The following GLYATL3 variants were observed in gnomAD, a reference collection of about 807,000 sequenced individuals.
The protein encoded by GLYATL3 is glycine-N-acyltransferase like 3, also known as glycine N-acyltransferase-like protein 3.
Under a neutral mutation model 28.5 loss-of-function variants are expected in GLYATL3, and 31 were observed. The observed-to-expected ratio is 1.09, with a 90% confidence interval of 0.82 to 1.47. The LOEUF is 1.47. GLYATL3 is among the 40% of genes most tolerant of loss of function. The pLI is 0.00. For missense variants in GLYATL3, 369 were observed against 351.5 expected (o/e 1.05, Z -0.40); for synonymous variants, 141 against 140.2 (o/e 1.01, Z -0.04).
intron 1 of GLYATL3, among the ~76,000 whole-genome samples, chr6:49,503,141 A>T (rs1162262537): frequency 6.7e-6 from 1 of 150,314 alleles, no homozygotes; most frequent in Non-Finnish European, 1.5e-5. Context: ...AATAGGTTGT[A>T]TGAGAGGTGG....
chr6:49,516,860 G>A (rs560781418), intron 3 of GLYATL3, among the ~76,000 whole-genome samples: 16 of 151,648 alleles, frequency 1.1e-4, no homozygotes, highest in Non-Finnish European at 2.4e-4. Context: ...CCAGAAGAAA[G>A]AATCAAGAAA....
rs13199703 is a variant in GLYATL3 at position 49,527,643 on chromosome 6, G to C, written c.*729G>C. Among the ~76,000 whole-genome samples the C allele has an allele frequency of 0.16, 24,147 of 152,064 alleles. 2,400 individuals carry two copies. Among genetic ancestry groups the C allele is most frequent in the Middle Eastern group, 0.33 (97 of 294 alleles). The stretch of plus-strand genomic sequence containing the variant: ...TTGCCTTGGATGAATGACAATATGG[G>C]CATTTTGATGCTATAAACAAATGCT... On this transcript the variant is annotated 3_prime_UTR_variant, in exon 6 of 6. Coordinates refer to ENST00000371197, the MANE Select transcript of GLYATL3 (RefSeq NM_001010904.2).
chr6:49,527,747 A>G lies in GLYATL3; in HGVS notation c.*833A>G, dbSNP rs538547949. 2.0e-5 allele frequency among the ~76,000 whole-genome samples: 3 copies of G among 152,318 alleles called. No individual in the cohort carries two copies. The highest frequency in any genetic ancestry group is 2.0e-4 in the Admixed American group (3 of 15,298). ...GTCTACTTTCCCATATAAAACTAAG[A>G]TTTATATATAGGGGTGTTTGGGGGT... is the stretch of plus-strand genomic sequence containing the variant. On this transcript the variant is annotated 3_prime_UTR_variant, in exon 6 of 6. Coordinates refer to ENST00000371197, the MANE Select transcript of GLYATL3 (RefSeq NM_001010904.2).
chr6:49,514,104 C>T (rs1346752187), intron 2 of GLYATL3, among the ~76,000 whole-genome samples: 1 of 152,084 alleles, frequency 6.6e-6, no homozygotes. Flanking sequence ...AAGCAAATGC[C>T]TACATAACAT....
chr6:49,519,001 A>G (rs1769268038), intron 4 of GLYATL3, among the ~76,000 whole-genome samples: 1 of 152,188 alleles, frequency 6.6e-6, no homozygotes, highest in South Asian at 2.1e-4. Flanking sequence ...AGAAGCTCTA[A>G]ACTATCTCTC....
At chr6:49,517,676 T>C in intron 4 of GLYATL3, 120 bp downstream of exon 4, 1 of 633,478 alleles carries the variant, frequency 1.6e-6, no homozygotes. Flanking sequence ...CACACCTGTA[T>C]GTATAAATAC....
intron 5 of GLYATL3, 90 bp from the exon 6 acceptor site, chr6:49,526,398 G>A: frequency 2.7e-6 from 3 of 1,125,668 alleles, no homozygotes; most frequent in Non-Finnish European, 3.8e-6. Context: ...GGGCGACAGA[G>A]CAAGACTGTG....
chr6:49,511,343 T>TGTCA (rs1561977303), intron 1 of GLYATL3, among the ~76,000 whole-genome samples: 1 of 152,104 alleles, frequency 6.6e-6, no homozygotes, highest in Non-Finnish European at 1.5e-5. Flanking sequence ...CTAAAATGAG[T>TGTCA]GTCAGCCTTT....
intron 4 of GLYATL3, among the ~76,000 whole-genome samples, chr6:49,519,287 T>C (rs1191988437): frequency 3.3e-5 from 5 of 149,582 alleles, no homozygotes; most frequent in East Asian, 2.0e-4. Context: ...TTGTAAGTTA[T>C]AGTCATCTAA....
At chr6:49,500,272 G>A (rs1434734370) in intron 1 of GLYATL3, among the ~76,000 whole-genome samples, 1 of 152,032 alleles carries the variant, frequency 6.6e-6, no homozygotes, top group Admixed American at 6.6e-5. Context: ...AAATTTTGAT[G>A]TGAGGAAAAT....
chr6:49,511,952 T>C lies in GLYATL3; in HGVS notation c.-28-11T>C. 1 of 1,000,906 alleles carries C rather than the reference T, an allele frequency of 1.0e-6. No homozygotes were observed. The highest frequency in any genetic ancestry group is 1.5e-6 in the Non-Finnish European group (1 of 675,940). 62.0% of individuals were successfully genotyped at this position (1,000,906 alleles called of 1,614,324 possible). A position where few individuals can be genotyped will look rare whatever the true frequency, so the allele number is the denominator to read the frequency against. ...CAAAAATTAAATGCCTACCTTCAAG[T>C]TTCTAATTAGGTGTGGAGTTGCAAG... On this transcript the variant is annotated splice_polypyrimidine_tract_variant and intron_variant, in intron 1 of 5. Coordinates refer to ENST00000371197, the MANE Select transcript of GLYATL3 (RefSeq NM_001010904.2).
At chr6:49,515,413 TA>T (rs1769197551) in intron 2 of GLYATL3, among the ~76,000 whole-genome samples, 1 of 152,114 alleles carries the variant, frequency 6.6e-6, no homozygotes, top group African/African-American at 2.4e-5. Context: ...TATAAAAAAC[TA>T]GGTTTGGAAA....
intron 1 of GLYATL3, among the ~76,000 whole-genome samples, chr6:49,502,467 A>G (rs1479412698): frequency 1.3e-5 from 2 of 152,240 alleles, no homozygotes; most frequent in Non-Finnish European, 2.9e-5. Context: ...CTGATTCCCA[A>G]TTGTGAACAG....
intron 3 of GLYATL3, among the ~76,000 whole-genome samples, chr6:49,516,513 C>T (rs1033935285): frequency 2.0e-5 from 3 of 151,952 alleles, no homozygotes; most frequent in Non-Finnish European, 4.4e-5. Context: ...AAAGAGGTAC[C>T]GTCCTGACCA....
At chr6:49,510,766 C>A (rs1405177542) in intron 1 of GLYATL3, among the ~76,000 whole-genome samples, 1 of 152,130 alleles carries the variant, frequency 6.6e-6, no homozygotes, top group Non-Finnish European at 1.5e-5. Context: ...TCTTAATGTT[C>A]GGGTGCTGCC....
rs980387472 is a variant in GLYATL3, at chr6:49,527,505, T to G, written c.*591T>G. Among the ~76,000 whole-genome samples, 46 of 152,182 alleles carry G rather than the reference T, an allele frequency of 3.0e-4. No individual in the cohort carries two copies. Among genetic ancestry groups the G allele is most frequent in the Non-Finnish European group, 6.3e-4 (43 of 68,046 alleles). ...TGTTCAAATATAGTGGTTCTTACAT[T>G]TTAGTGTTTATCAGAATCACCCAGA... On this transcript the variant is annotated 3_prime_UTR_variant, in exon 6 of 6. Coordinates refer to ENST00000371197, the MANE Select transcript of GLYATL3 (RefSeq NM_001010904.2).
rs1407481802 is a variant in GLYATL3, at chr6:49,511,812, C to T, written c.-28-151C>T. 1.9e-5 allele frequency: 9 copies of T among 477,210 alleles called. No homozygotes were observed. In the Middle Eastern group the frequency reaches 2.1e-3, roughly 113 times the overall value. The allele number at this position is 477,210 out of a possible 1,614,324, so 29.6% of individuals were successfully genotyped here. A position where few individuals can be genotyped will look rare whatever the true frequency, so the allele number is the denominator to read the frequency against. On this transcript the variant is annotated intron_variant, in intron 1 of 5. Coordinates refer to ENST00000371197, the MANE Select transcript of GLYATL3 (RefSeq NM_001010904.2). ...CATGTATTCTCCGGTTTACCCATCCCAGTGCCTCCCCATCTTCCCTTTTCC... is the reference window on the plus strand; with the variant it reads ...CATGTATTCTCCGGTTTACCCATCCTAGTGCCTCCCCATCTTCCCTTTTCC...
At chr6:49,500,963 T>A (rs75631382) in intron 1 of GLYATL3, among the ~76,000 whole-genome samples, 61 of 152,356 alleles carry the variant, frequency 4.0e-4, no homozygotes, top group Non-Finnish European at 7.2e-4. Flanking sequence ...TATTGTCAAA[T>A]GTAGATTAAT....
intron 4 of GLYATL3, 123 bp from the exon 5 acceptor site, chr6:49,521,522 G>A: frequency 1.3e-6 from 1 of 751,854 alleles, no homozygotes; most frequent in Non-Finnish European, 2.1e-6. Context: ...CAGTGGTTAG[G>A]ATAATACAAG....
Sources: gnomAD v4.1 joint callset for allele counts (sites outside exome capture counted in the v4.1 genomes callset) on GRCh38, gnomAD v4.1.1 for gene constraint, MANE v1.5 for transcripts, NCBI Gene and HGNC (gene_info 2026-07-23, HGNC 2026-07-21) for gene names.